KRT78: variants seen among roughly 807,000 people sequenced by gnomAD.
KRT78 encodes the protein keratin 78, also known as keratin, type II cytoskeletal 78.
In KRT78, 55 loss-of-function variants were observed where a neutral mutation model predicts 51.4. The ratio of observed to expected loss-of-function variants is 1.07; its 90% confidence interval spans 0.86 to 1.34. The LOEUF (loss-of-function observed/expected upper bound fraction) is 1.34. KRT78 is among the 40% of genes most tolerant of loss of function. The pLI is 0.00. For synonymous variants in KRT78, 291 were observed against 264.3 expected (o/e 1.10, Z -0.98); for missense variants, 652 against 649.4 (o/e 1.00, Z -0.04).
At chr12:52,841,486 CA>C (rs56956757) in intron 6 of KRT78, among the ~76,000 whole-genome samples, 16,027 of 98,560 alleles carry the variant, frequency 0.16, 2,186 homozygotes, top group African/African-American at 0.42. Context: ...GACTCCTTCT[CA>C]AAAAAAAAAA....
rs2638494 is a variant in KRT78, at chr12:52,846,746, A to G, written c.660+18T>C. ...TGGATGCTCAGAACGTAAGTGGAGC[A>G]CTGGCCCCCACCCTCACCTTCTTGA... is the stretch of plus-strand genomic sequence containing the variant. On this transcript the variant is annotated intron_variant, in intron 3 of 8. Coordinates refer to ENST00000304620, the MANE Select transcript of KRT78 (RefSeq NM_173352.4). 1,073 of 1,610,158 alleles carry G rather than the reference A, an allele frequency of 6.7e-4. 9 individuals carry two copies. The African/African-American group carries it at 0.013, about 19-fold the overall frequency.
Position 52,842,962 on chromosome 12 carries a change from G to GAGAGAGAGA in KRT78, c.1047+1130_1047+1131insTCTCTCTCT, listed in dbSNP as rs1565698736. 1.4e-3 allele frequency among the ~76,000 whole-genome samples: 36 copies of GAGAGAGAGA among 25,230 alleles called. 1 individual carries two copies. The highest frequency in any genetic ancestry group is 6.2e-3 in the African/African-American group (33 of 5,336). The allele number at this position is 25,230 out of a possible 152,430, so 16.6% of individuals were successfully genotyped here. A position where few individuals can be genotyped will look rare whatever the true frequency, so the allele number is the denominator to read the frequency against. ...AAGAGAGAGAGAGAGAGAGAGAGAG[G>GAGAGAGAGA]AAGGAAGGAAGGAAGGAAGGAAGGA... is the stretch of plus-strand genomic sequence containing the variant. On this transcript the variant is annotated intron_variant, in intron 6 of 8. Coordinates refer to ENST00000304620, the MANE Select transcript of KRT78 (RefSeq NM_173352.4).
intron 7 of KRT78, 21 bp from the exon 8 acceptor site, chr12:52,839,508 G>C (rs1248032049): frequency 8.3e-6 from 13 of 1,568,496 alleles, no homozygotes; most frequent in African/African-American, 1.4e-5. Context: ...AAGGACAAGA[G>C]GGGGATGCGC....
At chr12:52,840,827 C>A (rs73305847) in intron 6 of KRT78, among the ~76,000 whole-genome samples, 12,712 of 152,236 alleles carry the variant, frequency 0.084, 1,305 homozygotes, top group African/African-American at 0.23. Flanking sequence ...TCTCGCTGCA[C>A]CTTCAGAGGG....
chr12:52,844,936 TGG>T (rs1940606362), intron 4 of KRT78, among the ~76,000 whole-genome samples: 1 of 151,888 alleles, frequency 6.6e-6, no homozygotes. Context: ...TCTTGCAGCT[TGG>T]ACATTAATGG....
At chr12:52,848,312 G>A (rs1345552819) in intron 1 of KRT78, 191 bp from the exon 2 acceptor site, 1 of 1,521,904 alleles carries the variant, frequency 6.6e-7, no homozygotes, top group Admixed American at 2.0e-5. Context: ...TGACTAATGG[G>A]GCAGGGCCTT....
In KRT78 at chr12:52,839,887, A is replaced by G. The variant is rs199570843; in HGVS notation, c.1145T>C (p.Leu382Pro). Residue 382 changes from leucine to proline, a missense_variant, in exon 7 of 9, where the codon CTG becomes CCG. Transcript: ENST00000304620. The part of the protein sequence containing the change: ...QAKVDELEAA[L>P]RMAKQNLARL... Reference sequence around the variant, plus strand: ...GGCCAGGTTCTGCTTGGCCATCCTCAGAGCAGCCTCCAGCTCGTCCACCTT... The same window carrying G: ...GGCCAGGTTCTGCTTGGCCATCCTCGGAGCAGCCTCCAGCTCGTCCACCTT... 1.2e-6 allele frequency: 2 copies of G among 1,614,054 alleles called. No homozygotes were observed. Among genetic ancestry groups the G allele is most frequent in the Non-Finnish European group, 1.7e-6 (2 of 1,180,024 alleles).
At chr12:52,846,094 C>A in intron 4 of KRT78, 103 bp downstream of exon 4, 1 of 741,848 alleles carries the variant, frequency 1.3e-6, no homozygotes, top group Non-Finnish European at 2.3e-6. Context: ...ATCTAAGCCA[C>A]CCTAACAGAC....
At position 52,844,119 on chromosome 12, in the gene KRT78, T is replaced by C. The variant is rs1940581896; in HGVS notation, c.1021A>G (p.Ser341Gly). 1.9e-6 allele frequency: 3 copies of C among 1,612,956 alleles called. No individual in the cohort carries two copies. The highest frequency in any genetic ancestry group is 1.7e-5 in the Admixed American group (1 of 59,610). Residue 341 changes from serine (S) to glycine (G), a missense_variant, in exon 6 of 9, where the codon AGT becomes GGT. Coordinates refer to ENST00000304620, the MANE Select transcript of KRT78 (RefSeq NM_173352.4). Reference protein sequence around the residue: ...QLHQEIQRLQSQTENLKKQNA... With the variant: ...QLHQEIQRLQGQTENLKKQNA... Reference sequence around the variant, plus strand: ...TGCTTCTTGAGGTTCTCAGTCTGACTCTGCAGCCTCTGAATCTCTTGGTGT... The same window carrying C: ...TGCTTCTTGAGGTTCTCAGTCTGACCCTGCAGCCTCTGAATCTCTTGGTGT...
chr12:52,844,410 G>A, intron 5 of KRT78, 149 bp downstream of exon 5: 1 of 1,174,472 alleles, frequency 8.5e-7, no homozygotes, highest in Non-Finnish European at 1.2e-6. Flanking sequence ...CTCCCTCCTG[G>A]AGGGGAAATG....
chr12:52,847,145 A>G (rs1344809196), intron 2 of KRT78, among the ~76,000 whole-genome samples: 2 of 152,190 alleles, frequency 1.3e-5, no homozygotes, highest in Non-Finnish European at 2.9e-5. Context: ...TGATTTGACC[A>G]AGACCCCACA....
intron 6 of KRT78, among the ~76,000 whole-genome samples, chr12:52,842,637 G>T (rs1264320782): frequency 6.6e-6 from 1 of 152,104 alleles, no homozygotes; most frequent in Non-Finnish European, 1.5e-5. Flanking sequence ...AGAGATGTGG[G>T]CTGAGCATGG....
Position 52,848,474 on chromosome 12 carries a change from A to G in KRT78, c.384+73T>C, listed in dbSNP as rs182909378. The G allele has an allele frequency of 6.0e-5, 94 of 1,573,928 alleles. 1 individual carries two copies. The African/African-American group carries it at 9.0e-4, about 15-fold the overall frequency. On this transcript the variant is annotated intron_variant, in intron 1 of 8. Coordinates refer to ENST00000304620, the MANE Select transcript of KRT78 (RefSeq NM_173352.4). ...GTGGTAGAAGGAGGCCAAACTTCCCATTTCCAAGTCCATCAAGAGCAGCTC... is the reference window on the plus strand; with the variant it reads ...GTGGTAGAAGGAGGCCAAACTTCCCGTTTCCAAGTCCATCAAGAGCAGCTC...
intron 2 of KRT78, among the ~76,000 whole-genome samples, chr12:52,847,077 T>C (rs1259758289): frequency 6.6e-6 from 1 of 152,160 alleles, no homozygotes; most frequent in Non-Finnish European, 1.5e-5. Flanking sequence ...CTTTTCCCAC[T>C]TGCTACTCAC....
intron 1 of KRT78, 78 bp from the exon 2 acceptor site, chr12:52,848,199 A>G (rs762576089): frequency 6.4e-7 from 1 of 1,561,650 alleles, no homozygotes; most frequent in Non-Finnish European, 8.7e-7. Context: ...AGCCTGAGGG[A>G]CCCTCCCATC....
chr12:52,844,178 C>T lies in KRT78; in HGVS notation c.962G>A (p.Arg321Lys), dbSNP rs2120411190. 2 of 1,611,172 alleles carry T rather than the reference C, an allele frequency of 1.2e-6. No individual in the cohort carries two copies. Among genetic ancestry groups the T allele is most frequent in the East Asian group, 2.2e-5 (1 of 44,814 alleles). Residue 321 changes from arginine (R) to lysine (K), a missense_variant, in exon 6 of 9, where the codon AGG (arginine) becomes AAG (lysine). Coordinates refer to ENST00000304620, the MANE Select transcript of KRT78 (RefSeq NM_173352.4). ...GATCTGGACTTTCGTTTCCTGCATCCTGTCCCCATGAAGCTGGGCAGACAC... is the reference window on the plus strand; with the variant it reads ...GATCTGGACTTTCGTTTCCTGCATCTTGTCCCCATGAAGCTGGGCAGACAC... ...LQVSAQLHGD[R>K]MQETKVQISQ...
rs1032373112 is a variant in KRT78 at position 52,848,172 on chromosome 12, C to T, written c.385-51G>A. Reference sequence around the variant, plus strand: ...AGGCTCCTGTGGGACTCCCTGTGCACAGCCTCTGGAAAGTAAAGCCTGAGG... The same window carrying T: ...AGGCTCCTGTGGGACTCCCTGTGCATAGCCTCTGGAAAGTAAAGCCTGAGG... On this transcript the variant is annotated intron_variant, in intron 1 of 8. Coordinates refer to ENST00000304620, the MANE Select transcript of KRT78 (RefSeq NM_173352.4). 4.4e-6 allele frequency: 7 copies of T among 1,592,500 alleles called. No individual in the cohort carries two copies. The African/African-American group carries it at 8.1e-5, about 18-fold the overall frequency.
At position 52,848,762 on chromosome 12, in the gene KRT78, C is replaced by T. The variant is rs746649942; in HGVS notation, c.169G>A (p.Gly57Arg). The change falls in exon 1 of 9, where the codon GGG becomes AGG. Residue 57 changes from glycine (G) to arginine (R), a missense_variant. Transcript: ENST00000304620. The part of the protein sequence containing the change: ...CLEGSRGSTW[G>R]SGGRLGVRFG... ...CGCACCCCCAGCCTACCCCCTGACCCCCAGGTACTCCCACGAGAGCCTTCC... is the reference window on the plus strand; with the variant it reads ...CGCACCCCCAGCCTACCCCCTGACCTCCAGGTACTCCCACGAGAGCCTTCC... 2 of 1,612,016 alleles carry T rather than the reference C, an allele frequency of 1.2e-6. No homozygotes were observed. The highest frequency in any genetic ancestry group is 1.1e-5 in the South Asian group (1 of 90,820).
rs1215695211 is a variant in KRT78 at position 52,839,171 on chromosome 12, C to A, written c.1505G>T (p.Cys502Phe). ...SVSGSSAGSS[C>F]HTILKKTVES... ...AACTGTCTTCTTCAGGATGGTGTGGCAGCTGGAGCCAGCGCTGGAGCCAGA... is the reference window on the plus strand; with the variant it reads ...AACTGTCTTCTTCAGGATGGTGTGGAAGCTGGAGCCAGCGCTGGAGCCAGA... Residue 502 changes from cysteine to phenylalanine, a missense_variant, in exon 9 of 9, where the codon TGC becomes TTC. By Grantham distance (205) the Cys-to-Phe change is radical (BLOSUM62 -2). Transcript: ENST00000304620. 6.2e-7 allele frequency: 1 copy of A among 1,613,186 alleles called. No homozygotes were observed. The highest frequency in any genetic ancestry group is 2.2e-5 in the East Asian group (1 of 44,886).
Sources: allele counts gnomAD v4.1 joint callset (sites outside exome capture counted in the v4.1 genomes callset), GRCh38; gene constraint gnomAD v4.1.1; transcripts MANE v1.5; gene names NCBI Gene and HGNC (gene_info 2026-07-23, HGNC 2026-07-21).